ATXN7L1: variants seen among roughly 807,000 people sequenced by gnomAD.
ATXN7L1 encodes the protein ataxin-7-like protein 1.
A neutral mutation model predicts 70.8 loss-of-function variants in ATXN7L1; 15 were observed. The ratio of observed to expected loss-of-function variants is 0.21; its 90% CI spans 0.14 to 0.33. ATXN7L1 has a LOEUF of 0.33. ATXN7L1 is among the 10% of genes least tolerant of loss of function. The pLI is 1.00. For missense variants in ATXN7L1, 975 were observed against 1,097.1 expected (o/e 0.89, Z 1.57); for synonymous variants, 440 against 445.1 (o/e 0.99, Z 0.14).
At chr7:105,735,219 A>T (rs1180810167) in intron 3 of ATXN7L1, among the ~76,000 whole-genome samples, 1 of 152,170 alleles carries the variant, frequency 6.6e-6, no homozygotes, top group Non-Finnish European at 1.5e-5. Context: ...TATCTGCTGG[A>T]TACCTTTTAT....
intron 3 of ATXN7L1, among the ~76,000 whole-genome samples, chr7:105,668,774 C>A (rs902996387): frequency 3.3e-5 from 5 of 152,108 alleles, no homozygotes; most frequent in African/African-American, 1.2e-4. Context: ...CATGGTGGCT[C>A]ATGCCTATAA....
At chr7:105,674,413 C>G (rs775979038) in intron 3 of ATXN7L1, among the ~76,000 whole-genome samples, 2 of 152,232 alleles carry the variant, frequency 1.3e-5, no homozygotes, top group Non-Finnish European at 2.9e-5. Context: ...ACCCAATAAC[C>G]CTACCATGTG....
At chr7:105,873,749 C>T (rs1818618885) in intron 2 of ATXN7L1, among the ~76,000 whole-genome samples, 1 of 152,112 alleles carries the variant, frequency 6.6e-6, no homozygotes, top group African/African-American at 2.4e-5. Flanking sequence ...AATCTTCGTA[C>T]CTTTATAGGA....
At chr7:105,632,436 A>T (rs556173316) in intron 7 of ATXN7L1, among the ~76,000 whole-genome samples, 1 of 152,212 alleles carries the variant, frequency 6.6e-6, no homozygotes, top group Admixed American at 6.5e-5. Flanking sequence ...AAGGAGAGTA[A>T]GAGACAAAAA....
intron 11 of ATXN7L1, among the ~76,000 whole-genome samples, chr7:105,609,067 C>A (rs1474181408): frequency 1.3e-5 from 2 of 152,132 alleles, no homozygotes; most frequent in Non-Finnish European, 2.9e-5. Context: ...CTAAGTCTAC[C>A]CTGAATACTG....
chr7:105,825,940 G>C (rs1238340902), intron 2 of ATXN7L1, among the ~76,000 whole-genome samples: 2 of 152,198 alleles, frequency 1.3e-5, no homozygotes, highest in African/African-American at 4.8e-5. Flanking sequence ...GGGAAGGGAT[G>C]GAGGAAGGAA....
chr7:105,690,114 C>T (rs557328472), intron 3 of ATXN7L1, among the ~76,000 whole-genome samples: 2 of 152,342 alleles, frequency 1.3e-5, no homozygotes, highest in African/African-American at 4.8e-5. Flanking sequence ...AAACAATTCT[C>T]CTGCCTCAGC....
At chr7:105,610,451 G>C (rs1246020096) in intron 11 of ATXN7L1, 78 bp downstream of exon 11, 1 of 1,308,044 alleles carries the variant, frequency 7.6e-7, no homozygotes, top group Non-Finnish European at 1.1e-6. Flanking sequence ...ATCAGGGTCT[G>C]ACCCCAGTGT....
intron 3 of ATXN7L1, among the ~76,000 whole-genome samples, chr7:105,705,463 G>C (rs1793034166): frequency 6.6e-6 from 1 of 152,192 alleles, no homozygotes; most frequent in Non-Finnish European, 1.5e-5. Flanking sequence ...ATATAAGCCT[G>C]CCTTCCGGTT....
chr7:105,767,030 C>G (rs551839370), intron 3 of ATXN7L1, among the ~76,000 whole-genome samples: 1 of 152,182 alleles, frequency 6.6e-6, no homozygotes, highest in Non-Finnish European at 1.5e-5. Context: ...TGAGGCAGGA[C>G]GGCGGGCAGG....
chr7:105,677,941 C>A, intron 3 of ATXN7L1: 1 of 985,414 alleles, frequency 1.0e-6, no homozygotes, highest in South Asian at 4.7e-5. Context: ...CTCAGAGCCA[C>A]TCACCCCACA....
rs1478310014 is a variant in ATXN7L1 at position 105,605,742 on chromosome 7, A to C, written c.*2110T>G. On this transcript the variant is annotated 3_prime_UTR_variant, in exon 12 of 12. Coordinates refer to ENST00000419735, the MANE Select transcript of ATXN7L1 (RefSeq NM_020725.2). ...TTATAAAAAACAACAGACCTCTGAA[A>C]CCGAACAAGACAAAATTGTGCAAAA... 1 of 152,212 alleles carries C rather than the reference A, an allele frequency of 6.6e-6. No homozygotes were observed. The highest frequency in any genetic ancestry group is 1.5e-5 in the Non-Finnish European group (1 of 68,028). The allele number at this position is 152,212 out of a possible 1,614,324, so 9.4% of individuals were successfully genotyped here. A position where few individuals can be genotyped will look rare whatever the true frequency, so the allele number is the denominator to read the frequency against.
At chr7:105,642,586 C>G (rs1798431316) in intron 5 of ATXN7L1, among the ~76,000 whole-genome samples, 1 of 152,248 alleles carries the variant, frequency 6.6e-6, no homozygotes, top group Non-Finnish European at 1.5e-5. Flanking sequence ...GTGCAGAGCA[C>G]CCTGCCTCCT....
chr7:105,872,956 C>A (rs1369845111), intron 2 of ATXN7L1, among the ~76,000 whole-genome samples: 1 of 151,922 alleles, frequency 6.6e-6, no homozygotes, highest in Non-Finnish European at 1.5e-5. Context: ...AGATCGAGAC[C>A]ATCCTGGCTA....
chr7:105,831,111 T>C (rs902852942), intron 2 of ATXN7L1, among the ~76,000 whole-genome samples: 1 of 152,194 alleles, frequency 6.6e-6, no homozygotes, highest in Non-Finnish European at 1.5e-5. Context: ...TTACCGTAGA[T>C]GGGGTGACTG....
At chr7:105,838,131 T>A (rs1040928883) in intron 2 of ATXN7L1, among the ~76,000 whole-genome samples, 1 of 152,140 alleles carries the variant, frequency 6.6e-6, no homozygotes, top group African/African-American at 2.4e-5. Flanking sequence ...AATGGCTCAG[T>A]GTTCTAACAT....
At chr7:105,781,750 T>C (rs1317191264) in intron 3 of ATXN7L1, among the ~76,000 whole-genome samples, 1 of 152,258 alleles carries the variant, frequency 6.6e-6, no homozygotes, top group African/African-American at 2.4e-5. Flanking sequence ...TAAACTATTA[T>C]TTCCATTTTA....
rs945459372 is a variant in ATXN7L1 at position 105,671,222 on chromosome 7, G to T, written c.356-5934C>A. 3.3e-5 allele frequency among the ~76,000 whole-genome samples: 5 copies of T among 150,868 alleles called. No individual in the cohort carries two copies. The East Asian group carries it at 7.8e-4, about 24-fold the overall frequency. On this transcript the variant is annotated intron_variant, in intron 3 of 11. Coordinates refer to ENST00000419735, the MANE Select transcript of ATXN7L1 (RefSeq NM_020725.2). Reference sequence around the variant, plus strand: ...CACTTGAACCCGGGAGGCGGAGGTTGCAGTGAGCCTGGATTACACCACTGC... The same window carrying T: ...CACTTGAACCCGGGAGGCGGAGGTTTCAGTGAGCCTGGATTACACCACTGC...
At chr7:105,721,446 C>T (rs1019149133) in intron 3 of ATXN7L1, among the ~76,000 whole-genome samples, 3 of 152,200 alleles carry the variant, frequency 2.0e-5, no homozygotes, top group Admixed American at 6.5e-5. Flanking sequence ...TCACTAATCA[C>T]GGTGTTCTGA....
Sources: allele counts gnomAD v4.1 joint callset (sites outside exome capture counted in the v4.1 genomes callset), GRCh38; gene constraint gnomAD v4.1.1; transcripts MANE v1.5; gene names NCBI Gene and HGNC (gene_info 2026-07-23, HGNC 2026-07-21).